PROM1: variants seen among roughly 807,000 people sequenced by gnomAD.
The protein encoded by PROM1 is prominin-1.
Under a neutral mutation model 116.9 loss-of-function variants are expected in PROM1, and 105 were observed. That is an observed-to-expected ratio of 0.90 (90% CI 0.77 to 1.06). The LOEUF (loss-of-function observed/expected upper bound fraction) is 1.06, where lower values mean the gene tolerates loss of function less well. Ranked by LOEUF, PROM1 falls within the 50% of genes least tolerant of loss-of-function variation. PROM1 has a pLI of 0.00. For synonymous variants in PROM1, 393 were observed against 387.0 expected (o/e 1.02, Z -0.18); for missense variants, 1,122 against 1,045.2 (o/e 1.07, Z -1.01).
At chr4:16,060,868 T>G (rs2149510183) in intron 2 of PROM1, among the ~76,000 whole-genome samples, 1 of 152,344 alleles carries the variant, frequency 6.6e-6, no homozygotes, top group South Asian at 2.1e-4. Context: ...GAAAGCAACA[T>G]ATATAATTGA....
intron 2 of PROM1, among the ~76,000 whole-genome samples, chr4:16,070,398 TA>T (rs1742541550): frequency 6.6e-6 from 1 of 152,148 alleles, no homozygotes; most frequent in Non-Finnish European, 1.5e-5. Flanking sequence ...GGGACTTTGT[TA>T]TTATGATGCA....
intron 17 of PROM1, 56 bp from the exon 18 acceptor site, chr4:15,991,349 A>G (rs1720940880): frequency 1.7e-6 from 2 of 1,206,042 alleles, no homozygotes; most frequent in South Asian, 3.0e-5. Context: ...AAGCCTTAAC[A>G]CAACATCTAG....
chr4:15,993,858 C>A (rs1304049927), intron 16 of PROM1, 129 bp downstream of exon 16: 41 of 1,454,722 alleles, frequency 2.8e-5, no homozygotes, highest in Middle Eastern at 2.5e-4. Context: ...TGTAAATATA[C>A]CAAACATCAC....
chr4:16,009,934 C>CAAA (rs4065768), intron 11 of PROM1, among the ~76,000 whole-genome samples: 6 of 75,402 alleles, frequency 8.0e-5, no homozygotes, highest in African/African-American at 1.1e-4. Context: ...GACTCGCTCT[C>CAAA]AAAAAAAAAA....
rs1730370240 is a variant in PROM1, at chr4:16,023,274, C to G, written c.784+52G>C. On this transcript the variant is annotated intron_variant, in intron 8 of 27. Coordinates refer to ENST00000447510, the MANE Select transcript of PROM1 (RefSeq NM_006017.3). Reference sequence around the variant, plus strand: ...GAAAAGAGTGAGCAAGCCTGCCAAGCCCAGGGACTCCTGGATGGAACTTTC... The same window carrying G: ...GAAAAGAGTGAGCAAGCCTGCCAAGGCCAGGGACTCCTGGATGGAACTTTC... 2.2e-5 allele frequency: 31 copies of G among 1,440,684 alleles called. No homozygotes were observed. The South Asian group carries it at 3.0e-4, about 14-fold the overall frequency. 89.2% of individuals were successfully genotyped at this position (1,440,684 alleles called of 1,614,324 possible).
intron 8 of PROM1, among the ~76,000 whole-genome samples, chr4:16,021,157 A>T (rs2149319857): frequency 6.6e-6 from 1 of 151,012 alleles, no homozygotes; most frequent in South Asian, 2.1e-4. Flanking sequence ...AGTTCTGGCA[A>T]CACCAGAGGC....
chr4:16,081,262 G>A (rs1744994091), intron 1 of PROM1, among the ~76,000 whole-genome samples: 1 of 151,930 alleles, frequency 6.6e-6, no homozygotes, highest in Non-Finnish European at 1.5e-5. Flanking sequence ...CCCTTCCTGT[G>A]TCCAAGTGTT....
Position 16,049,312 on chromosome 4 carries a change from G to A in PROM1, c.221-10311C>T, listed in dbSNP as rs1261421793. Among the ~76,000 whole-genome samples the A allele has an allele frequency of 2.0e-5, 3 of 152,280 alleles. No individual in the cohort carries two copies. The East Asian group carries it at 5.8e-4, about 29-fold the overall frequency. On this transcript the variant is annotated intron_variant, in intron 2 of 27. Coordinates refer to ENST00000447510, the MANE Select transcript of PROM1 (RefSeq NM_006017.3). Reference sequence around the variant, plus strand: ...AACGCTGCTGTGAGAATGTGAATCAGCCAAACCCTGTTCTGTTCTACATGG... The same window carrying A: ...AACGCTGCTGTGAGAATGTGAATCAACCAAACCCTGTTCTGTTCTACATGG...
intron 2 of PROM1, among the ~76,000 whole-genome samples, chr4:16,053,211 G>A (rs572989471): frequency 6.6e-6 from 1 of 152,196 alleles, no homozygotes; most frequent in African/African-American, 2.4e-5. Flanking sequence ...GAATAAGCAG[G>A]TGTTCATCTG....
chr4:16,023,949 G>A (rs1043745868), intron 7 of PROM1, among the ~76,000 whole-genome samples: 7 of 152,208 alleles, frequency 4.6e-5, no homozygotes, highest in African/African-American at 7.2e-5. Flanking sequence ...TGAAGCCACC[G>A]GTTTCTCTGA....
chr4:16,077,204 C>G (rs1419210599), intron 1 of PROM1, among the ~76,000 whole-genome samples: 2 of 152,156 alleles, frequency 1.3e-5, no homozygotes, highest in African/African-American at 2.4e-5. Context: ...GTATAAAACC[C>G]GATTGTATGT....
rs1048511634 is a variant in PROM1 at position 16,013,335 on chromosome 4, A to C, written c.1081T>G (p.Tyr361Asp). 6.3e-7 allele frequency: 1 copy of C among 1,599,618 alleles called. No homozygotes were observed. The highest frequency in any genetic ancestry group is 1.7e-4 in the Middle Eastern group (1 of 6,042). Residue 361 changes from tyrosine to aspartate, a missense_variant, in exon 11 of 28, where the codon TAT becomes GAT. Transcript: ENST00000447510. ...TCAGGTATATCATTAAGGGATTGAT[A>C]GCCCTGAAAAATATTTCAAAATAAA... is the stretch of plus-strand genomic sequence containing the variant. The part of the protein sequence containing the change: ...TDLDGLVQQG[Y>D]QSLNDIPDRV...
At chr4:15,979,010 A>AGGAG (rs1553888639) in intron 26 of PROM1, among the ~76,000 whole-genome samples, 2 of 148,324 alleles carry the variant, frequency 1.3e-5, no homozygotes, top group African/African-American at 5.1e-5. Context: ...AAGGAAGGAA[A>AGGAG]GAAGGAAGGA....
intron 26 of PROM1, 49 bp downstream of exon 26, chr4:15,979,346 T>C (rs760625227): frequency 1.2e-5 from 20 of 1,612,256 alleles, no homozygotes; most frequent in Non-Finnish European, 1.5e-5. Context: ...CTATAGGAGA[T>C]GAGACGGTTT....
intron 9 of PROM1, 114 bp downstream of exon 9, chr4:16,018,209 G>C: frequency 2.1e-6 from 2 of 942,486 alleles, no homozygotes; most frequent in East Asian, 5.2e-5. Flanking sequence ...GAGGCCAGGG[G>C]CTAACTGTTC....
At position 15,989,652 on chromosome 4, in the gene PROM1, G is replaced by A. The variant is rs2240685; in HGVS notation, c.2076+80C>T. 0.69 allele frequency: 807,082 copies of A among 1,176,646 alleles called. 278,321 individuals carry two copies. The highest frequency in any genetic ancestry group is 0.71 in the Non-Finnish European group (571,586 of 805,628). 72.9% of individuals were successfully genotyped at this position (1,176,646 alleles called of 1,614,324 possible). A position where few individuals can be genotyped will look rare whatever the true frequency, so the allele number is the denominator to read the frequency against. On this transcript the variant is annotated intron_variant, in intron 19 of 27. Transcript: ENST00000447510. ...GACCTATGAGAGATGAGCATGTGTC[G>A]TGAGGCTAAATGAAAGCCAACTAGC...
intron 1 of PROM1, among the ~76,000 whole-genome samples, chr4:16,080,254 C>G (rs1200300221): frequency 6.6e-6 from 1 of 151,632 alleles, no homozygotes; most frequent in Non-Finnish European, 1.5e-5. Flanking sequence ...GGCGTGGTGG[C>G]TCAAGCCTGT....
At chr4:16,043,758 G>A (rs778389650) in intron 2 of PROM1, among the ~76,000 whole-genome samples, 7 of 152,184 alleles carry the variant, frequency 4.6e-5, no homozygotes, top group Non-Finnish European at 7.4e-5. Flanking sequence ...GCCCCATGAC[G>A]CTGTCTGGGA....
chr4:16,004,794 ACTTG>A (rs1030354289), intron 13 of PROM1, among the ~76,000 whole-genome samples: 1 of 147,152 alleles, frequency 6.8e-6, no homozygotes, highest in Admixed American at 6.7e-5. Context: ...GTCCACAGGT[ACTTG>A]CAGCTAATCT....
Sources: gnomAD v4.1 joint callset for allele counts (sites outside exome capture counted in the v4.1 genomes callset) on GRCh38, gnomAD v4.1.1 for gene constraint, MANE v1.5 for transcripts, NCBI Gene and HGNC (gene_info 2026-07-23, HGNC 2026-07-21) for gene names.